The following MBNL3 variants were observed in gnomAD, a reference collection of about 807,000 sequenced individuals.
MBNL3 encodes the protein muscleblind like splicing regulator 3, also known as muscleblind-like protein 3.
MBNL3 carries 6 observed loss-of-function variants against 24.5 expected under a neutral mutation model. The observed-to-expected ratio is 0.25, with a 90% confidence interval of 0.13 to 0.48. The LOEUF is 0.48. Among genes scored for constraint, MBNL3 ranks in the 20% least tolerant of loss-of-function variants. The probability of loss-of-function intolerance (pLI) is 0.99; values close to 1 mark genes in which losing one functional copy is unlikely to be tolerated. For missense variants in MBNL3, 230 were observed against 293.5 expected, an observed-to-expected ratio of 0.78 and a Z score of 1.58; for synonymous variants, 100 against 101.7, an observed-to-expected ratio of 0.98 and a Z score of 0.10.
At chrX:132,441,793 A>G (rs765984849) in intron 1 of MBNL3, among the ~76,000 whole-genome samples, 1 of 111,789 alleles carries the variant, frequency 8.9e-6, no homozygotes, top group Admixed American at 9.5e-5. Flanking sequence ...ATCCTCCTAC[A>G]TGAATGTTCA....
intron 1 of MBNL3, among the ~76,000 whole-genome samples, chrX:132,485,551 C>T (rs1480696695): frequency 8.9e-6 from 1 of 112,465 alleles, no homozygotes; most frequent in Non-Finnish European, 1.9e-5. Flanking sequence ...CTTTCCAACA[C>T]TGTCATTTGG....
chrX:132,421,111 G>A (rs1437002735), intron 2 of MBNL3, among the ~76,000 whole-genome samples: 1 of 111,551 alleles, frequency 9.0e-6, no homozygotes, highest in African/African-American at 3.3e-5. Context: ...AACTTCTCTA[G>A]AAATAATTCC....
chrX:132,399,246 T>TA (rs1940405548), intron 3 of MBNL3, among the ~76,000 whole-genome samples: 1 of 111,797 alleles, frequency 8.9e-6, no homozygotes, highest in Admixed American at 9.5e-5. Flanking sequence ...AGGAAGACTT[T>TA]AGGCAGATGG....
At chrX:132,396,381 C>CATATATATATTCCT (rs1569423456) in intron 3 of MBNL3, among the ~76,000 whole-genome samples, 1 of 76,046 alleles carries the variant, frequency 1.3e-5, no homozygotes, top group African/African-American at 5.0e-5. Flanking sequence ...CATATATATT[C>CATATATATATTCCT]ATATATATAT....
chrX:132,470,803 A>G (rs975686654), intron 1 of MBNL3, among the ~76,000 whole-genome samples: 2 of 111,843 alleles, frequency 1.8e-5, no homozygotes, highest in African/African-American at 3.3e-5. Flanking sequence ...ACTTCATTCA[A>G]GCAGCACTAT....
chrX:132,446,289 A>C (rs1474398854), intron 1 of MBNL3, among the ~76,000 whole-genome samples: 2 of 112,040 alleles, frequency 1.8e-5, no homozygotes, highest in African/African-American at 6.5e-5. Flanking sequence ...AGAAAGATTT[A>C]TAATACTTTG....
chrX:132,401,870 C>T (rs1002160215), intron 3 of MBNL3, among the ~76,000 whole-genome samples: 1 of 110,912 alleles, frequency 9.0e-6, no homozygotes, highest in African/African-American at 3.3e-5. Context: ...ATTACATCAC[C>T]TTCGTTCCTT....
At chrX:132,412,331 C>A (rs145400875) in intron 2 of MBNL3, among the ~76,000 whole-genome samples, 420 of 111,338 alleles carry the variant, frequency 3.8e-3, no homozygotes, top group African/African-American at 0.012. Flanking sequence ...CCAGGAGGGC[C>A]CTGCATTTCC....
At chrX:132,469,633 A>C (rs1947069374) in intron 1 of MBNL3, among the ~76,000 whole-genome samples, 1 of 112,433 alleles carries the variant, frequency 8.9e-6, no homozygotes, top group Admixed American at 9.4e-5. Flanking sequence ...GCTATTGATT[A>C]AGTTTGTAAT....
At chrX:132,449,597 CTT>C (rs1945952634) in intron 1 of MBNL3, among the ~76,000 whole-genome samples, 1 of 106,837 alleles carries the variant, frequency 9.4e-6, no homozygotes, top group Non-Finnish European at 1.9e-5. Context: ...GGTCCTGACT[CTT>C]TATCCAATTT....
chrX:132,461,058 G>A (rs1342183183), intron 1 of MBNL3, among the ~76,000 whole-genome samples: 1 of 111,908 alleles, frequency 8.9e-6, no homozygotes, highest in Non-Finnish European at 1.9e-5. Flanking sequence ...TTTTATGGCT[G>A]CAATGACTCA....
chrX:132,469,610 TC>T (rs1294263550), intron 1 of MBNL3, among the ~76,000 whole-genome samples: 1 of 111,676 alleles, frequency 9.0e-6, no homozygotes, highest in Admixed American at 9.5e-5. Flanking sequence ...AGATCAACAA[TC>T]CCCTCAATTT....
At chrX:132,384,379 A>G (rs1935594551) in intron 7 of MBNL3, among the ~76,000 whole-genome samples, 2 of 112,600 alleles carry the variant, frequency 1.8e-5, no homozygotes, top group Admixed American at 1.9e-4. Flanking sequence ...CTAGTTTCAA[A>G]TATTGTAAAA....
intron 1 of MBNL3, among the ~76,000 whole-genome samples, chrX:132,448,405 T>G (rs1227308519): frequency 8.9e-6 from 1 of 112,105 alleles, no homozygotes; most frequent in Non-Finnish European, 1.9e-5. Flanking sequence ...TATCCATTTC[T>G]TCTAGATTTT....
intron 1 of MBNL3, among the ~76,000 whole-genome samples, chrX:132,475,855 G>A (rs1479221857): frequency 1.8e-5 from 2 of 111,685 alleles, no homozygotes; most frequent in Admixed American, 1.9e-4. Context: ...GAAATGTCAA[G>A]GGAAGTCTCA....
chrX:132,380,540 G>A (rs1000138006), intron 8 of MBNL3, among the ~76,000 whole-genome samples: 3 of 111,257 alleles, frequency 2.7e-5, no homozygotes, highest in East Asian at 2.8e-4. Context: ...TTCTAAGCCC[G>A]TGTGTCCTCA....
chrX:132,432,189 A>G (rs961502681), intron 2 of MBNL3: 1 of 111,538 alleles, frequency 9.0e-6, no homozygotes, highest in Non-Finnish European at 1.9e-5. Flanking sequence ...TATAATATCT[A>G]TGGGAGAGGG....
At chrX:132,466,084 T>C (rs1425503921) in intron 1 of MBNL3, among the ~76,000 whole-genome samples, 1 of 112,391 alleles carries the variant, frequency 8.9e-6, no homozygotes, top group Admixed American at 9.5e-5. Context: ...AGGAGATCCA[T>C]AAGAATAAAA....
Position 132,377,473 on chromosome X carries a change from G to C in MBNL3, c.*2193C>G, listed in dbSNP as rs985111867. Reference sequence around the variant, plus strand: ...AGCACTGTTGATCAGGATTTGGATGGATAATTAAGATCAACAGAGTATCAA... The same window carrying C: ...AGCACTGTTGATCAGGATTTGGATGCATAATTAAGATCAACAGAGTATCAA... On this transcript the variant is annotated 3_prime_UTR_variant, in exon 9 of 9. Coordinates refer to ENST00000370853, the MANE Select transcript of MBNL3 (RefSeq NM_001386889.1). The C allele has an allele frequency of 9.0e-6, 1 of 111,521 alleles. No individual in the cohort carries two copies. Among genetic ancestry groups the C allele is most frequent in the East Asian group, 2.8e-4 (1 of 3,532 alleles). The allele number at this position is 111,521 out of a possible 1,213,427, so 9.2% of individuals were successfully genotyped here.
Sources: gnomAD v4.1 joint callset for allele counts (sites outside exome capture counted in the v4.1 genomes callset) on GRCh38, gnomAD v4.1.1 for gene constraint, MANE v1.5 for transcripts, NCBI Gene and HGNC (gene_info 2026-07-23, HGNC 2026-07-21) for gene names.